Variants in PPP1R12A observed in about 807,000 individuals in gnomAD.
PPP1R12A encodes myosin binding subunit.
Under a neutral mutation model 139.6 loss-of-function variants are expected in PPP1R12A, and 19 were observed. The ratio of observed to expected loss-of-function variants is 0.14; its 90% CI spans 0.09 to 0.20. The LOEUF (loss-of-function observed/expected upper bound fraction) is 0.20. PPP1R12A is among the 10% of genes least tolerant of loss of function. PPP1R12A has a pLI of 1.00. For synonymous variants in PPP1R12A, 427 were observed against 420.6 expected (o/e 1.02, Z -0.19); for missense variants, 925 against 1,211.5 (o/e 0.76, Z 3.51).
chr12:79,853,723 A>C lies in PPP1R12A; in HGVS notation c.369-8303T>G, dbSNP rs1467470641. ...TTCAATCATGTATTAACTCTTGAAA[A>C]CCATGTATTTATTAAAAACATTTAC... On this transcript the variant is annotated intron_variant, in intron 2 of 24. Coordinates refer to ENST00000450142, the MANE Select transcript of PPP1R12A (RefSeq NM_002480.3). Among the ~76,000 whole-genome samples, 4 of 152,314 alleles carry C rather than the reference A, an allele frequency of 2.6e-5. No homozygotes were observed. In the East Asian group the frequency reaches 5.8e-4, roughly 22 times the overall value.
chr12:79,790,593 G>T, intron 19 of PPP1R12A, 110 bp from the exon 20 acceptor site: 1 of 727,832 alleles, frequency 1.4e-6, no homozygotes, highest in South Asian at 2.9e-5. Flanking sequence ...GCAAACGAAT[G>T]AACACCTAAG....
chr12:79,797,046 C>A, intron 16 of PPP1R12A, 96 bp from the exon 17 acceptor site: 1 of 1,397,500 alleles, frequency 7.2e-7, no homozygotes, highest in Non-Finnish European at 9.7e-7. Flanking sequence ...AAGTAGTATA[C>A]TAATCACGCC....
chr12:79,934,321 C>A lies in PPP1R12A; in HGVS notation c.237+374G>T, dbSNP rs186641599. On this transcript the variant is annotated intron_variant, in intron 1 of 24. Coordinates refer to ENST00000450142, the MANE Select transcript of PPP1R12A (RefSeq NM_002480.3). ...TTAGTTTTCTTCCTTCAGCATCCAC[C>A]CCTCCGAATATACCACTGACACCGG... is the stretch of plus-strand genomic sequence containing the variant. Among the ~76,000 whole-genome samples, 5 of 152,276 alleles carry A rather than the reference C, an allele frequency of 3.3e-5. No homozygotes were observed. In the East Asian group the frequency reaches 9.7e-4, roughly 29 times the overall value.
At chr12:79,849,452 C>G (rs1438514441) in intron 2 of PPP1R12A, among the ~76,000 whole-genome samples, 1 of 151,976 alleles carries the variant, frequency 6.6e-6, no homozygotes, top group African/African-American at 2.4e-5. Context: ...TACAGGCTAT[C>G]TGGAATATGA....
At chr12:79,818,713 T>C (rs145661789) in intron 8 of PPP1R12A, 6 of 152,354 alleles carry the variant, frequency 3.9e-5, no homozygotes, top group African/African-American at 1.4e-4. Flanking sequence ...GTTTGAAAGG[T>C]AACTAAAACT....
At chr12:79,842,826 G>T (rs1387349041) in intron 3 of PPP1R12A, among the ~76,000 whole-genome samples, 1 of 151,852 alleles carries the variant, frequency 6.6e-6, no homozygotes, top group Non-Finnish European at 1.5e-5. Context: ...CCCTTAGCTG[G>T]GATTACAGGT....
chr12:79,883,986 A>G (rs1376796888), intron 1 of PPP1R12A, among the ~76,000 whole-genome samples: 1 of 152,176 alleles, frequency 6.6e-6, no homozygotes, highest in African/African-American at 2.4e-5. Flanking sequence ...ACTAAGAAGG[A>G]ATGGTGGTCG....
intron 1 of PPP1R12A, among the ~76,000 whole-genome samples, chr12:79,887,530 A>G (rs760915536): frequency 1.1e-4 from 17 of 152,224 alleles, no homozygotes; most frequent in Non-Finnish European, 2.4e-4. Flanking sequence ...GTGAATGGAA[A>G]TAAGTTATAA....
chr12:79,932,050 C>T (rs1231814431), intron 1 of PPP1R12A, among the ~76,000 whole-genome samples: 2 of 152,108 alleles, frequency 1.3e-5, no homozygotes, highest in African/African-American at 4.8e-5. Context: ...TAAAACTTTT[C>T]TCTTGACAAT....
chr12:79,919,500 A>C (rs1887268924), intron 1 of PPP1R12A, among the ~76,000 whole-genome samples: 1 of 151,456 alleles, frequency 6.6e-6, no homozygotes, highest in African/African-American at 2.4e-5. Flanking sequence ...AGTTGCAGTG[A>C]GCTGAAATCA....
intron 1 of PPP1R12A, among the ~76,000 whole-genome samples, chr12:79,917,147 T>C (rs892342003): frequency 6.6e-6 from 1 of 152,150 alleles, no homozygotes; most frequent in African/African-American, 2.4e-5. Context: ...TGGCTCTAAA[T>C]GTCAAGGATG....
intron 2 of PPP1R12A, among the ~76,000 whole-genome samples, chr12:79,864,462 T>C (rs1439602933): frequency 6.6e-6 from 1 of 151,820 alleles, no homozygotes; most frequent in African/African-American, 2.4e-5. Flanking sequence ...ATTCAAAAGC[T>C]AGCAGAAGAC....
chr12:79,929,396 A>G (rs971853932), intron 1 of PPP1R12A, among the ~76,000 whole-genome samples: 5 of 152,178 alleles, frequency 3.3e-5, no homozygotes, highest in African/African-American at 1.2e-4. Context: ...TAGTGACTCA[A>G]CTGGATATAA....
chr12:79,788,303 C>A (rs771904972), intron 21 of PPP1R12A: 7 of 168,224 alleles, frequency 4.2e-5, no homozygotes, highest in Non-Finnish European at 9.0e-5. Context: ...GAAAAACTAC[C>A]AATATATTAT....
chr12:79,824,712 T>C (rs925041673), intron 5 of PPP1R12A, among the ~76,000 whole-genome samples: 2 of 152,222 alleles, frequency 1.3e-5, no homozygotes, highest in Non-Finnish European at 2.9e-5. Flanking sequence ...GGTTCTTAAC[T>C]ACTATAAGGC....
At chr12:79,835,879 C>A (rs1878013785) in intron 3 of PPP1R12A, among the ~76,000 whole-genome samples, 1 of 152,166 alleles carries the variant, frequency 6.6e-6, no homozygotes, top group Admixed American at 6.5e-5. Flanking sequence ...CTATCCTCTA[C>A]CTGAATTGTA....
At chr12:79,790,527 T>G in intron 19 of PPP1R12A, 44 bp from the exon 20 acceptor site, 1 of 1,316,870 alleles carries the variant, frequency 7.6e-7, no homozygotes, top group Non-Finnish European at 1.0e-6. Flanking sequence ...ATTTTTATGC[T>G]TTCATTAAAC....
intron 1 of PPP1R12A, among the ~76,000 whole-genome samples, chr12:79,898,082 T>C (rs1885291812): frequency 6.6e-6 from 1 of 152,182 alleles, no homozygotes; most frequent in Non-Finnish European, 1.5e-5. Flanking sequence ...ATTTATCACC[T>C]CAAATCTCTG....
intron 18 of PPP1R12A, among the ~76,000 whole-genome samples, chr12:79,794,731 G>A (rs970082424): frequency 6.7e-6 from 1 of 149,052 alleles, no homozygotes; most frequent in Non-Finnish European, 1.5e-5. Flanking sequence ...AGTTTAACAG[G>A]AAGACAGATG....
Sources: allele counts gnomAD v4.1 joint callset (sites outside exome capture counted in the v4.1 genomes callset), GRCh38; gene constraint gnomAD v4.1.1; transcripts MANE v1.5; gene names NCBI Gene and HGNC (gene_info 2026-07-23, HGNC 2026-07-21).